Variants in ARFGEF1 observed in about 807,000 individuals in gnomAD.
The protein encoded by ARFGEF1 is brefeldin A-inhibited guanine nucleotide-exchange protein 1.
A neutral mutation model predicts 231.0 loss-of-function variants in ARFGEF1; 42 were observed. The ratio of observed to expected loss-of-function variants is 0.18; its 90% CI spans 0.14 to 0.24. The LOEUF (loss-of-function observed/expected upper bound fraction) is 0.24, where lower values mean the gene tolerates loss of function less well. Ranked by LOEUF, ARFGEF1 falls within the 10% of genes least tolerant of loss-of-function variation. ARFGEF1 has a pLI of 1.00. For missense variants in ARFGEF1, 1,345 were observed against 2,192.0 expected, an observed-to-expected ratio of 0.61 and a Z score of 7.72; for synonymous variants, 710 against 732.3, an observed-to-expected ratio of 0.97 and a Z score of 0.49.
intron 1 of ARFGEF1, among the ~76,000 whole-genome samples, chr8:67,320,616 A>G (rs1022841961): frequency 1.3e-5 from 2 of 152,246 alleles, no homozygotes; most frequent in African/African-American, 4.8e-5. Flanking sequence ...AATGCCCTTC[A>G]ATGAGTGTTA....
intron 24 of ARFGEF1, 26 bp downstream of exon 24, chr8:67,228,198 G>A (rs371025551): frequency 1.5e-5 from 24 of 1,608,672 alleles, no homozygotes; most frequent in African/African-American, 1.5e-4. Context: ...AGCCAGTTCC[G>A]AAGTAGAATA....
intron 1 of ARFGEF1, among the ~76,000 whole-genome samples, chr8:67,329,002 CGGATCACGAGATCAGGAGTTCAA>C: frequency 6.6e-6 from 1 of 151,978 alleles, no homozygotes; most frequent in Non-Finnish European, 1.5e-5. Flanking sequence ...TTGAGGCGGG[CGGATCACGAGATCAGGAGTTCAA>C]GACCAGCCTG....
chr8:67,280,334 AATTAAAGT>A (rs1329694308), intron 7 of ARFGEF1, among the ~76,000 whole-genome samples: 1 of 152,212 alleles, frequency 6.6e-6, no homozygotes, highest in Non-Finnish European at 1.5e-5. Context: ...ACTGCCTGCT[AATTAAAGT>A]AGATTATTTG....
intron 1 of ARFGEF1, among the ~76,000 whole-genome samples, chr8:67,315,061 T>C (rs1200878462): frequency 6.6e-6 from 1 of 151,994 alleles, no homozygotes; most frequent in African/African-American, 2.4e-5. Flanking sequence ...CTATATGATA[T>C]AGTAGGATGA....
intron 19 of ARFGEF1, among the ~76,000 whole-genome samples, chr8:67,247,286 T>TA (rs558351221): frequency 2.1e-4 from 31 of 145,964 alleles, no homozygotes; most frequent in Admixed American, 4.1e-4. Flanking sequence ...AAAGACACAT[T>TA]AAAAAAAAAA....
chr8:67,212,409 A>G (rs980020269), intron 33 of ARFGEF1, among the ~76,000 whole-genome samples: 4 of 152,202 alleles, frequency 2.6e-5, no homozygotes, highest in Admixed American at 2.6e-4. Flanking sequence ...TTAAGAGTGT[A>G]ACCTTGGAAA....
intron 37 of ARFGEF1, among the ~76,000 whole-genome samples, chr8:67,201,002 T>C (rs1429523520): frequency 1.3e-5 from 2 of 152,262 alleles, no homozygotes; most frequent in Admixed American, 1.3e-4. Flanking sequence ...TAAGTAGATA[T>C]GATAATACAA....
At chr8:67,192,080 T>G (rs1175535382) in intron 5 of ARFGEF1, among the ~76,000 whole-genome samples, 4 of 147,330 alleles carry the variant, frequency 2.7e-5, no homozygotes, top group Admixed American at 1.3e-4. Context: ...TTTTTTTTGT[T>G]TTTTTTTTTT....
At chr8:67,257,575 TG>T in intron 17 of ARFGEF1, among the ~76,000 whole-genome samples, 156 bp downstream of exon 17, 1 of 152,322 alleles carries the variant, frequency 6.6e-6, no homozygotes, top group South Asian at 2.1e-4. Context: ...TACCAGAAGT[TG>T]CCTTTGTAAA....
At chr8:67,193,764 C>T (rs7820650), downstream of ARFGEF1, among the ~76,000 whole-genome samples, 2,352 of 152,286 alleles carry the variant, frequency 0.015, 54 homozygotes, top group African/African-American at 0.052. Flanking sequence ...AACCAGACCT[C>T]AGGATGCAGT....
At chr8:67,235,163 A>G (rs1380102576) in intron 22 of ARFGEF1, among the ~76,000 whole-genome samples, 1 of 149,934 alleles carries the variant, frequency 6.7e-6, no homozygotes. Flanking sequence ...ATAATTTAAA[A>G]TCATTAATAA....
intron 1 of ARFGEF1, among the ~76,000 whole-genome samples, chr8:67,311,585 G>C (rs543268778): frequency 6.9e-6 from 1 of 145,612 alleles, no homozygotes; most frequent in African/African-American, 2.5e-5. Context: ...CCCCCCGCCT[G>C]GCCAGCCGCC....
At chr8:67,219,672 G>A (rs1312254957) in intron 29 of ARFGEF1, 112 bp from the exon 30 acceptor site, 22 of 1,132,684 alleles carry the variant, frequency 1.9e-5, no homozygotes, top group Non-Finnish European at 2.3e-5. Flanking sequence ...AAACTAGTCT[G>A]AAATTAACAC....
chr8:67,285,712 G>A (rs545193991), intron 7 of ARFGEF1, among the ~76,000 whole-genome samples: 47 of 152,252 alleles, frequency 3.1e-4, no homozygotes, highest in African/African-American at 1.0e-3. Context: ...CAATTTATAT[G>A]ATGTGGTATT....
intron 38 of ARFGEF1, chr8:67,200,069 T>C (rs541732071): frequency 3.8e-5 from 14 of 369,274 alleles, no homozygotes; most frequent in Admixed American, 2.5e-4. Context: ...CATGAGGTGG[T>C]TGGACAGCAG....
At chr8:67,177,804 C>T (rs1206644967) in intron 5 of ARFGEF1, 1 of 997,052 alleles carries the variant, frequency 1.0e-6, no homozygotes, top group African/African-American at 1.6e-5. Context: ...TCAAGTAATT[C>T]AAATTTTGAA....
intron 7 of ARFGEF1, among the ~76,000 whole-genome samples, chr8:67,285,016 AAAAAAT>A (rs1052964583): frequency 2.0e-5 from 3 of 152,050 alleles, no homozygotes; most frequent in African/African-American, 7.2e-5. Flanking sequence ...CTGGCAGACA[AAAAAAT>A]AAAAATAATG....
At chr8:67,231,103 G>C (rs1240755664) in intron 23 of ARFGEF1, among the ~76,000 whole-genome samples, 1 of 152,054 alleles carries the variant, frequency 6.6e-6, no homozygotes, top group African/African-American at 2.4e-5. Context: ...GAACTCCCCA[G>C]ATTGATGCCT....
At chr8:67,322,696 C>T (rs148265058) in intron 1 of ARFGEF1, among the ~76,000 whole-genome samples, 1 of 152,162 alleles carries the variant, frequency 6.6e-6, no homozygotes, top group Non-Finnish European at 1.5e-5. Context: ...CAAAGTGAGA[C>T]CGTCTCTTAA....
Sources: allele counts gnomAD v4.1 joint callset (sites outside exome capture counted in the v4.1 genomes callset), GRCh38; gene constraint gnomAD v4.1.1; transcripts MANE v1.5; gene names NCBI Gene and HGNC (gene_info 2026-07-23, HGNC 2026-07-21).